ANKIB1: variants seen among roughly 807,000 people sequenced by gnomAD.
ANKIB1 encodes ankyrin repeat and IBR domain-containing protein 1.
Under a neutral mutation model 122.1 loss-of-function variants are expected in ANKIB1, and 43 were observed. The observed-to-expected ratio is 0.35, with a 90% CI of 0.28 to 0.45. The LOEUF (loss-of-function observed/expected upper bound fraction) is 0.45. ANKIB1 is among the 20% of genes least tolerant of loss of function. The pLI, the probability that ANKIB1 is intolerant of heterozygous loss-of-function variation, is 1.00. For synonymous variants in ANKIB1, 390 were observed against 442.0 expected (o/e 0.88, Z 1.48); for missense variants, 992 against 1,329.5 (o/e 0.75, Z 3.95).
intron 7 of ANKIB1, among the ~76,000 whole-genome samples, chr7:92,345,535 T>G: frequency 6.6e-6 from 1 of 152,238 alleles, no homozygotes; most frequent in Non-Finnish European, 1.5e-5. Flanking sequence ...GTTGGGTATA[T>G]TTTACCAATG....
rs182534728 is a variant in ANKIB1 at position 92,335,966 on chromosome 7, G to A, written c.788-7058G>A. 1.6e-4 allele frequency among the ~76,000 whole-genome samples: 24 copies of A among 151,828 alleles called. No individual in the cohort carries two copies. The East Asian group carries it at 4.3e-3, about 27-fold the overall frequency. ...TATTCTTTAACATGCTGCTTTCTGGGCTGTTGTATATATTCTTATCATTTT... is the reference window on the plus strand; with the variant it reads ...TATTCTTTAACATGCTGCTTTCTGGACTGTTGTATATATTCTTATCATTTT... On this transcript the variant is annotated intron_variant, in intron 5 of 19. Coordinates refer to ENST00000265742, the MANE Select transcript of ANKIB1 (RefSeq NM_019004.2).
intron 1 of ANKIB1, among the ~76,000 whole-genome samples, chr7:92,263,507 G>T (rs918438624): frequency 6.6e-6 from 1 of 152,190 alleles, no homozygotes; most frequent in Non-Finnish European, 1.5e-5. Flanking sequence ...TCTGAACCAT[G>T]TGAGTAGCCA....
At chr7:92,335,739 A>G (rs1253144553) in intron 5 of ANKIB1, among the ~76,000 whole-genome samples, 1 of 151,748 alleles carries the variant, frequency 6.6e-6, no homozygotes, top group East Asian at 1.9e-4. Flanking sequence ...ATTCTGATGG[A>G]CTGTTTAGTC....
chr7:92,359,771 T>G (rs1007666468), intron 9 of ANKIB1, among the ~76,000 whole-genome samples: 2 of 152,132 alleles, frequency 1.3e-5, no homozygotes, highest in African/African-American at 4.8e-5. Flanking sequence ...TTAAAGAGAT[T>G]AGGTCATGCT....
intron 1 of ANKIB1, among the ~76,000 whole-genome samples, chr7:92,261,730 T>C (rs934257407): frequency 1.3e-5 from 2 of 152,218 alleles, no homozygotes; most frequent in African/African-American, 4.8e-5. Flanking sequence ...ACTGCGTGAA[T>C]TGGAGGAGTT....
intron 9 of ANKIB1, among the ~76,000 whole-genome samples, chr7:92,354,250 T>C (rs1803733494): frequency 6.6e-6 from 1 of 152,196 alleles, no homozygotes; most frequent in Non-Finnish European, 1.5e-5. Flanking sequence ...ATTTCTAGAA[T>C]AACATTTGGA....
chr7:92,378,894 TCAA>T (rs1804446896), intron 11 of ANKIB1, among the ~76,000 whole-genome samples: 1 of 152,158 alleles, frequency 6.6e-6, no homozygotes. Flanking sequence ...TCAACAACAG[TCAA>T]CAACCTTCAT....
At chr7:92,303,747 A>G (rs1429456782) in intron 2 of ANKIB1, among the ~76,000 whole-genome samples, 1 of 152,218 alleles carries the variant, frequency 6.6e-6, no homozygotes, top group Non-Finnish European at 1.5e-5. Flanking sequence ...TTTAAAGTTT[A>G]GAACAAAAAT....
intron 1 of ANKIB1, among the ~76,000 whole-genome samples, chr7:92,288,358 A>G (rs1387998440): frequency 1.3e-5 from 2 of 152,238 alleles, no homozygotes; most frequent in Non-Finnish European, 2.9e-5. Context: ...TACAGAAGAC[A>G]TAAATAGAAA....
rs557676286 is a variant in ANKIB1, at chr7:92,352,758, A to T, written c.1397+116A>T. 5 of 1,068,790 alleles carry T rather than the reference A, an allele frequency of 4.7e-6. No individual in the cohort carries two copies. The East Asian group carries it at 1.0e-4, about 22-fold the overall frequency. 66.2% of individuals were successfully genotyped at this position (1,068,790 alleles called of 1,614,324 possible). On this transcript the variant is annotated intron_variant, in intron 9 of 19. Transcript: ENST00000265742. The stretch of plus-strand genomic sequence containing the variant: ...TAGTATACTTGATAGTATTCTTCTT[A>T]ATTTAAGAAATGTGTAAGAAGTAGT...
At chr7:92,264,604 G>C (rs1012572622) in intron 1 of ANKIB1, among the ~76,000 whole-genome samples, 2 of 151,972 alleles carry the variant, frequency 1.3e-5, no homozygotes, top group East Asian at 3.9e-4. Flanking sequence ...TAAAGACAGG[G>C]TTTCTCCACA....
intron 3 of ANKIB1, among the ~76,000 whole-genome samples, chr7:92,311,417 T>C (rs1202590483): frequency 6.6e-6 from 1 of 152,156 alleles, no homozygotes; most frequent in African/African-American, 2.4e-5. Flanking sequence ...TATTAGCCTG[T>C]TATTGCAGTA....
intron 9 of ANKIB1, among the ~76,000 whole-genome samples, chr7:92,353,083 CA>C (rs1185408582): frequency 1.3e-5 from 2 of 152,168 alleles, no homozygotes; most frequent in African/African-American, 4.8e-5. Flanking sequence ...AAGCCTCTAG[CA>C]GTGATTCTTC....
intron 11 of ANKIB1, among the ~76,000 whole-genome samples, chr7:92,383,001 A>G (rs1347653352): frequency 2.0e-5 from 3 of 152,180 alleles, no homozygotes; most frequent in Non-Finnish European, 4.4e-5. Flanking sequence ...TAGCAAGACT[A>G]ATAAAGAAGA....
At chr7:92,344,011 T>C (rs1479488152) in intron 6 of ANKIB1, among the ~76,000 whole-genome samples, 1 of 152,142 alleles carries the variant, frequency 6.6e-6, no homozygotes, top group Non-Finnish European at 1.5e-5. Context: ...CTTCTCATTT[T>C]ATCTGTGCCT....
intron 2 of ANKIB1, among the ~76,000 whole-genome samples, chr7:92,303,660 A>C (rs1399807937): frequency 2.0e-5 from 3 of 152,180 alleles, no homozygotes; most frequent in Admixed American, 2.0e-4. Context: ...GAAAAAAATT[A>C]AGAGGATTAT....
intron 11 of ANKIB1, among the ~76,000 whole-genome samples, chr7:92,381,069 G>C (rs547212252): frequency 6.6e-6 from 1 of 152,294 alleles, no homozygotes; most frequent in Admixed American, 6.5e-5. Context: ...TAAATGACTT[G>C]ATGGAGCTGA....
At chr7:92,377,050 A>T (rs574268666) in intron 11 of ANKIB1, among the ~76,000 whole-genome samples, 1 of 152,132 alleles carries the variant, frequency 6.6e-6, no homozygotes. Flanking sequence ...TTTCCTTTGC[A>T]TTCCCAATTT....
chr7:92,282,563 A>G (rs531616178), intron 1 of ANKIB1, among the ~76,000 whole-genome samples: 14 of 152,226 alleles, frequency 9.2e-5, no homozygotes, highest in Non-Finnish European at 1.5e-4. Flanking sequence ...TAAGGACAAT[A>G]CATTATTCAA....
Sources: gnomAD v4.1 joint callset for allele counts (sites outside exome capture counted in the v4.1 genomes callset) on GRCh38, gnomAD v4.1.1 for gene constraint, MANE v1.5 for transcripts, NCBI Gene and HGNC (gene_info 2026-07-23, HGNC 2026-07-21) for gene names.